Variants in RUNX1 observed in about 807,000 individuals in gnomAD.
The protein encoded by RUNX1 is RUNX family transcription factor 1, also known as runt-related transcription factor 1.
A neutral mutation model predicts 42.8 loss-of-function variants in RUNX1; 19 were observed. The ratio of observed to expected loss-of-function variants is 0.44; its 90% CI spans 0.31 to 0.65. The LOEUF is 0.65. RUNX1 is among the 30% of genes least tolerant of loss of function. RUNX1 has a pLI of 0.07. For synonymous variants in RUNX1, 271 were observed against 289.4 expected (o/e 0.94, Z 0.64); for missense variants, 528 against 672.0 (o/e 0.79, Z 2.37).
chr21:34,923,695 T>G (rs894876536), intron 2 of RUNX1, among the ~76,000 whole-genome samples: 1 of 146,974 alleles, frequency 6.8e-6, no homozygotes, highest in Admixed American at 6.7e-5. Flanking sequence ...CTGTCAACCA[T>G]CATTCAAATG....
intron 2 of RUNX1, among the ~76,000 whole-genome samples, chr21:34,932,515 G>T (rs1028111357): frequency 3.9e-5 from 6 of 152,070 alleles, no homozygotes; most frequent in Non-Finnish European, 4.4e-5. Flanking sequence ...TTTTCTTTTA[G>T]AAAACCATGC....
intron 2 of RUNX1, among the ~76,000 whole-genome samples, chr21:34,973,569 A>G (rs1384853976): frequency 6.6e-6 from 1 of 152,238 alleles, no homozygotes; most frequent in African/African-American, 2.4e-5. Flanking sequence ...TCACTGATCC[A>G]ATCCATTCTT....
At chr21:34,920,570 C>T (rs1435577528) in intron 2 of RUNX1, among the ~76,000 whole-genome samples, 1 of 152,174 alleles carries the variant, frequency 6.6e-6, no homozygotes, top group Non-Finnish European at 1.5e-5. Context: ...TTTGGTATGA[C>T]TGTCTGGAGA....
intron 7 of RUNX1, among the ~76,000 whole-genome samples, chr21:34,814,465 C>T (rs1036903906): frequency 1.1e-4 from 16 of 152,198 alleles, no homozygotes; most frequent in Non-Finnish European, 2.4e-4. Context: ...TTATGGAAAG[C>T]ACCATCCCCT....
intron 6 of RUNX1, among the ~76,000 whole-genome samples, chr21:34,842,559 C>A (rs1332480481): frequency 4.2e-5 from 6 of 142,788 alleles, no homozygotes; most frequent in African/African-American, 1.3e-4. Context: ...AGTGAAAAAT[C>A]AAAAAGAATA....
intron 7 of RUNX1, among the ~76,000 whole-genome samples, chr21:34,802,273 T>A (rs1165130117): frequency 6.6e-6 from 1 of 152,168 alleles, no homozygotes; most frequent in Non-Finnish European, 1.5e-5. Context: ...CTCTGATAAG[T>A]CAATCCATCT....
intron 2 of RUNX1, among the ~76,000 whole-genome samples, chr21:34,919,540 T>C (rs1009756369): frequency 1.3e-5 from 2 of 152,222 alleles, no homozygotes; most frequent in Admixed American, 1.3e-4. Flanking sequence ...GCAATAAGTC[T>C]GGGGGCTTCA....
chr21:34,959,713 G>C (rs906174314), intron 2 of RUNX1, among the ~76,000 whole-genome samples: 2 of 151,722 alleles, frequency 1.3e-5, no homozygotes, highest in African/African-American at 4.8e-5. Context: ...CTGAGTACCT[G>C]AGGGAGAAAG....
In RUNX1 at chr21:34,929,433, G is replaced by C. The variant is rs115187163; in HGVS notation, c.59-36470C>G. Among the ~76,000 whole-genome samples, 552 of 152,294 alleles carry C rather than the reference G, an allele frequency of 3.6e-3. 1 individual carries two copies. Among genetic ancestry groups the C allele is most frequent in the African/African-American group, 0.013 (536 of 41,564 alleles). On this transcript the variant is annotated intron_variant, in intron 2 of 8. Coordinates refer to ENST00000675419, the MANE Select transcript of RUNX1 (RefSeq NM_001754.5). ...TAGGGGCGGTGGGTGAGGGACAACA[G>C]AGAAAGAGTACATCCAGGGAGGACG...
chr21:34,952,906 T>C (rs1217346653), intron 2 of RUNX1, among the ~76,000 whole-genome samples: 2 of 152,182 alleles, frequency 1.3e-5, no homozygotes, highest in African/African-American at 4.8e-5. Context: ...TTGAGCTGAA[T>C]CACACAGGCT....
At chr21:34,939,984 C>A (rs1207931467) in intron 2 of RUNX1, among the ~76,000 whole-genome samples, 1 of 152,114 alleles carries the variant, frequency 6.6e-6, no homozygotes, top group East Asian at 1.9e-4. Context: ...ACAGCCGCCA[C>A]CCATTTCATG....
chr21:34,859,633 CTGT>C, intron 5 of RUNX1, 55 bp from the exon 6 acceptor site: 2 of 1,311,150 alleles, frequency 1.5e-6, no homozygotes, highest in Non-Finnish European at 2.2e-6. Flanking sequence ...CTGAACATAT[CTGT>C]TGAATAACCA....
intron 2 of RUNX1, among the ~76,000 whole-genome samples, chr21:35,028,117 T>G (rs2059249684): frequency 6.6e-6 from 1 of 152,202 alleles, no homozygotes; most frequent in Non-Finnish European, 1.5e-5. Flanking sequence ...GGCCTGAAGT[T>G]TCCTGAAGAT....
chr21:34,887,242 T>TTG (rs1555900020), intron 3 of RUNX1, 146 bp from the exon 4 acceptor site: 12 of 295,698 alleles, frequency 4.1e-5, no homozygotes, highest in East Asian at 1.4e-4. Context: ...CTGCGGGGGG[T>TTG]GGGGGGGGGC....
At chr21:34,858,521 C>T (rs2057525811) in intron 6 of RUNX1, among the ~76,000 whole-genome samples, 1 of 152,188 alleles carries the variant, frequency 6.6e-6, no homozygotes, top group Non-Finnish European at 1.5e-5. Flanking sequence ...CTTAAGAATT[C>T]CACTGGCTTG....
At chr21:34,813,431 G>A (rs911970241) in intron 7 of RUNX1, among the ~76,000 whole-genome samples, 4 of 152,156 alleles carry the variant, frequency 2.6e-5, no homozygotes, top group African/African-American at 9.7e-5. Context: ...CAGTACAAAT[G>A]AACTGAGGGG....
chr21:34,903,240 G>C (rs1569095935), intron 2 of RUNX1, among the ~76,000 whole-genome samples: 1 of 151,984 alleles, frequency 6.6e-6, no homozygotes, highest in African/African-American at 2.4e-5. Flanking sequence ...TCAGCTCTTT[G>C]ATTAATTCTG....
At chr21:34,840,511 C>T (rs539761384) in intron 6 of RUNX1, among the ~76,000 whole-genome samples, 50 of 152,388 alleles carry the variant, frequency 3.3e-4, no homozygotes, top group African/African-American at 1.2e-3. Flanking sequence ...ACAATTACAT[C>T]TGCTGCCATT....
At chr21:34,947,760 G>C (rs986558570) in intron 2 of RUNX1, among the ~76,000 whole-genome samples, 7 of 152,136 alleles carry the variant, frequency 4.6e-5, no homozygotes, top group African/African-American at 1.7e-4. Flanking sequence ...CAGTCTGAAG[G>C]GACTTCACAG....
Sources: allele counts gnomAD v4.1 joint callset (sites outside exome capture counted in the v4.1 genomes callset), GRCh38; gene constraint gnomAD v4.1.1; transcripts MANE v1.5; gene names NCBI Gene and HGNC (gene_info 2026-07-23, HGNC 2026-07-21).